The following HYCC2 variants were observed in gnomAD, a reference collection of about 807,000 sequenced individuals.
HYCC2 encodes hyccin 2.
the HYCC2 span, among the ~76,000 whole-genome samples, chr2:201,024,664 C>G: frequency 6.6e-6 from 1 of 152,002 alleles, no homozygotes; most frequent in African/African-American, 2.4e-5. Flanking sequence ...AATACATAAC[C>G]AGAACAAACT....
the HYCC2 span, among the ~76,000 whole-genome samples, chr2:201,062,415 G>A: frequency 9.2e-5 from 14 of 152,048 alleles, no homozygotes; most frequent in Non-Finnish European, 1.5e-4. Context: ...TTGGGAGGCC[G>A]AGGCAGGCAG....
chr2:201,002,149 T>C, the HYCC2 span, among the ~76,000 whole-genome samples: 363 of 146,624 alleles, frequency 2.5e-3, 1 homozygote, highest in African/African-American at 8.4e-3. Flanking sequence ...ATAAGAAAAA[T>C]GGGGCTGGGC....
the HYCC2 span, among the ~76,000 whole-genome samples, chr2:201,030,295 T>C: frequency 2.0e-5 from 3 of 152,244 alleles, no homozygotes; most frequent in South Asian, 6.2e-4. Flanking sequence ...TTTACAAAAA[T>C]ATCTATCTAT....
At chr2:200,973,904 A>T in the HYCC2 span, 7 of 152,138 alleles carry the variant, frequency 4.6e-5, no homozygotes, top group African/African-American at 1.7e-4. Context: ...ATAACTTAAA[A>T]TATTTTTTCA....
At chr2:201,041,815 A>C in the HYCC2 span, among the ~76,000 whole-genome samples, 2 of 152,246 alleles carry the variant, frequency 1.3e-5, no homozygotes, top group Non-Finnish European at 2.9e-5. Flanking sequence ...CATACTGTTT[A>C]TATGTCCTCA....
At chr2:200,998,631 C>T in the HYCC2 span, among the ~76,000 whole-genome samples, 11 of 152,326 alleles carry the variant, frequency 7.2e-5, 1 homozygote, top group African/African-American at 2.6e-4. Context: ...TAAATAAATG[C>T]TTTCCTAACA....
chr2:201,028,516 A>G, the HYCC2 span, among the ~76,000 whole-genome samples: 2 of 152,198 alleles, frequency 1.3e-5, no homozygotes, highest in Non-Finnish European at 2.9e-5. Flanking sequence ...GACAATCCTA[A>G]GCCAAAAGAA....
chr2:201,043,639 C>CCTGGGA, the HYCC2 span, among the ~76,000 whole-genome samples: 1 of 150,804 alleles, frequency 6.6e-6, no homozygotes, highest in Non-Finnish European at 1.5e-5. Flanking sequence ...CTCCCGAGTA[C>CCTGGGA]CTGGGACTAC....
At chr2:201,062,424 A>G in the HYCC2 span, among the ~76,000 whole-genome samples, 1 of 152,110 alleles carries the variant, frequency 6.6e-6, no homozygotes, top group Non-Finnish European at 1.5e-5. Flanking sequence ...CGAGGCAGGC[A>G]GATCACAAGG....
chr2:200,994,243 C>CT, the HYCC2 span, among the ~76,000 whole-genome samples: 549 of 147,948 alleles, frequency 3.7e-3, no homozygotes, highest in Non-Finnish European at 6.1e-3. Flanking sequence ...ATATCATTTC[C>CT]TTTTTTTTTT....
the HYCC2 span, among the ~76,000 whole-genome samples, chr2:201,004,594 C>A: frequency 6.6e-6 from 1 of 152,212 alleles, no homozygotes; most frequent in Non-Finnish European, 1.5e-5. Context: ...CAGGAACAGA[C>A]ACTGCATTAG....
At chr2:201,037,491 ATAC>A in the HYCC2 span, among the ~76,000 whole-genome samples, 5 of 152,212 alleles carry the variant, frequency 3.3e-5, no homozygotes, top group Admixed American at 3.3e-4. Context: ...ACTTCAAACT[ATAC>A]TACAAGGCTA....
At chr2:201,063,697 T>C in the HYCC2 span, 1 of 1,575,978 alleles carries the variant, frequency 6.3e-7, no homozygotes, top group East Asian at 2.2e-5. Context: ...GAAACTTTGG[T>C]GGTGGTCGTG....
At chr2:201,055,405 A>G in the HYCC2 span, among the ~76,000 whole-genome samples, 1 of 151,008 alleles carries the variant, frequency 6.6e-6, no homozygotes, top group African/African-American at 2.4e-5. Context: ...AAAAACAAAC[A>G]CTAAAATTCT....
At chr2:200,986,316 A>T in the HYCC2 span, among the ~76,000 whole-genome samples, 1 of 152,266 alleles carries the variant, frequency 6.6e-6, no homozygotes, top group African/African-American at 2.4e-5. Context: ...CCAAAGAGCA[A>T]GAGTTCCCTA....
chr2:201,050,490 G>A, the HYCC2 span, among the ~76,000 whole-genome samples: 1 of 151,516 alleles, frequency 6.6e-6, no homozygotes, highest in African/African-American at 2.4e-5. Flanking sequence ...TAATAAATAT[G>A]CTGAGGAGGG....
chr2:201,030,592 T>C, the HYCC2 span, among the ~76,000 whole-genome samples: 3 of 151,932 alleles, frequency 2.0e-5, no homozygotes, highest in African/African-American at 4.8e-5. Flanking sequence ...CTTTTTTTTT[T>C]TTTTGAGTTG....
the HYCC2 span, chr2:200,987,541 C>A: frequency 7.8e-7 from 1 of 1,288,944 alleles, no homozygotes; most frequent in Admixed American, 2.3e-5. Context: ...ATCTGGGATT[C>A]AACATATAAC....
the HYCC2 span, among the ~76,000 whole-genome samples, chr2:200,993,855 C>T: frequency 6.6e-6 from 1 of 151,624 alleles, no homozygotes; most frequent in East Asian, 1.9e-4. Context: ...GGCATGGTGG[C>T]GGGTGCCTGT....
Sources: allele counts gnomAD v4.1 joint callset (sites outside exome capture counted in the v4.1 genomes callset), GRCh38; gene constraint gnomAD v4.1.1; transcripts MANE v1.5; gene names NCBI Gene and HGNC (gene_info 2026-07-23, HGNC 2026-07-21).